EFNB2: variants seen among roughly 807,000 people sequenced by gnomAD.
EFNB2 encodes ephrin-B2.
In EFNB2, 5 loss-of-function variants were observed where a neutral mutation model predicts 32.1. The observed-to-expected ratio is 0.16, with a 90% CI of 0.08 to 0.33. EFNB2 has a LOEUF of 0.33. Ranked by LOEUF, EFNB2 falls within the 10% of genes least tolerant of loss-of-function variation. EFNB2 has a pLI of 1.00. For synonymous variants in EFNB2, 168 were observed against 166.5 expected (o/e 1.01, Z -0.07); for missense variants, 263 against 422.6 (o/e 0.62, Z 3.31).
At chr13:106,512,888 C>A in intron 1 of EFNB2, 76 bp from the exon 2 acceptor site, 1 of 1,291,962 alleles carries the variant, frequency 7.7e-7, no homozygotes, top group East Asian at 2.3e-5. Flanking sequence ...GATAGCCAGG[C>A]AATGCCCATA....
chr13:106,526,467 G>GA (rs1879703613), intron 1 of EFNB2, among the ~76,000 whole-genome samples: 1 of 152,094 alleles, frequency 6.6e-6, no homozygotes. Flanking sequence ...GGATTATGAA[G>GA]AAAAGACTTA....
At position 106,512,877 on chromosome 13, in the gene EFNB2, A is replaced by T. The variant is rs75113970; in HGVS notation, c.123-65T>A. The T allele has an allele frequency of 0.013, 18,578 of 1,392,834 alleles. 1,901 individuals are homozygous for T. The African/African-American group carries it at 0.23, about 17-fold the overall frequency. 86.3% of individuals were successfully genotyped at this position (1,392,834 alleles called of 1,614,324 possible). On this transcript the variant is annotated intron_variant, in intron 1 of 4. Transcript: ENST00000646441. ...ATTAACAGTATTAATGACAGTTACAAGATAGCCAGGCAATGCCCATAATCC... is the reference window on the plus strand; with the variant it reads ...ATTAACAGTATTAATGACAGTTACATGATAGCCAGGCAATGCCCATAATCC...
Position 106,489,920 on chromosome 13 carries a change from T to A in EFNB2, c.*3120A>T, listed in dbSNP as rs1329313981. 6.6e-6 allele frequency: 1 copy of A among 152,622 alleles called. No individual in the cohort carries two copies. The highest frequency in any genetic ancestry group is 2.4e-5 in the African/African-American group (1 of 41,454). 9.5% of individuals were successfully genotyped at this position (152,622 alleles called of 1,614,324 possible). On this transcript the variant is annotated 3_prime_UTR_variant, in exon 5 of 5. Coordinates refer to ENST00000646441, the MANE Select transcript of EFNB2 (RefSeq NM_004093.4). ...AAACAAAGAAAGAAAAAAATATTTA[T>A]AACTCAGGCATAATACTGTGTTACT...
At chr13:106,514,199 A>C (rs1231954151) in intron 1 of EFNB2, among the ~76,000 whole-genome samples, 2 of 152,236 alleles carry the variant, frequency 1.3e-5, no homozygotes, top group South Asian at 4.1e-4. Context: ...TAGCAAGGAT[A>C]TATGACATTC....
At chr13:106,496,878 G>A (rs1381103066) in intron 2 of EFNB2, among the ~76,000 whole-genome samples, 1 of 152,132 alleles carries the variant, frequency 6.6e-6, no homozygotes, top group East Asian at 1.9e-4. Flanking sequence ...GGTGGAGAGT[G>A]CTAGACATTT....
At chr13:106,530,637 C>T (rs6650299) in intron 1 of EFNB2, among the ~76,000 whole-genome samples, 1 of 152,156 alleles carries the variant, frequency 6.6e-6, no homozygotes, top group Non-Finnish European at 1.5e-5. Flanking sequence ...TTATTAGGGT[C>T]TACAATCTGT....
intron 2 of EFNB2, among the ~76,000 whole-genome samples, chr13:106,510,426 C>T (rs545341901): frequency 2.6e-5 from 4 of 152,286 alleles, no homozygotes; most frequent in African/African-American, 4.8e-5. Flanking sequence ...GCGCCCAGTG[C>T]GAACTTAGAA....
chr13:106,528,918 C>T (rs1879787811), intron 1 of EFNB2, among the ~76,000 whole-genome samples: 1 of 152,174 alleles, frequency 6.6e-6, no homozygotes, highest in Non-Finnish European at 1.5e-5. Context: ...TAACAGCCTG[C>T]CCCATTCAAC....
intron 1 of EFNB2, among the ~76,000 whole-genome samples, chr13:106,515,939 A>G (rs1312350279): frequency 6.6e-6 from 1 of 152,234 alleles, no homozygotes; most frequent in East Asian, 1.9e-4. Flanking sequence ...ACCACTGATC[A>G]TTAGGAATTT....
At chr13:106,521,761 T>TTC (rs1751273124) in intron 1 of EFNB2, 1 of 115,496 alleles carries the variant, frequency 8.7e-6, no homozygotes, top group African/African-American at 5.7e-5. Context: ...TAGTTTAAGC[T>TTC]TTTTTTTTTT....
chr13:106,505,249 A>G (rs922244872), intron 2 of EFNB2, among the ~76,000 whole-genome samples: 2 of 152,200 alleles, frequency 1.3e-5, no homozygotes, highest in African/African-American at 2.4e-5. Flanking sequence ...CATATGTGTT[A>G]TGTATGCATA....
At chr13:106,497,007 G>A (rs1223697687) in intron 2 of EFNB2, among the ~76,000 whole-genome samples, 2 of 151,866 alleles carry the variant, frequency 1.3e-5, no homozygotes, top group African/African-American at 4.8e-5. Flanking sequence ...ACTTTGCAAG[G>A]GACTGAAAAA....
At chr13:106,527,545 C>A (rs979830395) in intron 1 of EFNB2, among the ~76,000 whole-genome samples, 47 of 152,288 alleles carry the variant, frequency 3.1e-4, no homozygotes, top group African/African-American at 1.1e-3. Context: ...TATTTGAAAT[C>A]AGCAAGTATG....
In EFNB2 at chr13:106,535,114, C is replaced by A; in HGVS notation, c.-150G>T. ...AGGCGCGCTGCGCAGCTCCAGCGGT[C>A]GCCGGGCCAGGTGCGCTCGCTCTCC... On this transcript the variant is annotated 5_prime_UTR_variant, in exon 1 of 5. Coordinates refer to ENST00000646441, the MANE Select transcript of EFNB2 (RefSeq NM_004093.4). 9.4e-7 allele frequency: 1 copy of A among 1,062,398 alleles called. No individual in the cohort carries two copies. Among genetic ancestry groups the A allele is most frequent in the South Asian group, 2.0e-5 (1 of 49,480 alleles). The allele number at this position is 1,062,398 out of a possible 1,614,324, so 65.8% of individuals were successfully genotyped here. A position where few individuals can be genotyped will look rare whatever the true frequency, so the allele number is the denominator to read the frequency against.
intron 1 of EFNB2, chr13:106,521,767 T>C (rs1010736713): frequency 9.9e-5 from 15 of 152,048 alleles, no homozygotes; most frequent in Non-Finnish European, 2.1e-4. Flanking sequence ...AAGCTTTTTT[T>C]TTTTTTCTTC....
chr13:106,512,578 A>T lies in EFNB2; in HGVS notation c.357T>A (p.Pro119=). Residue 119 remains proline, a synonymous_variant, in exon 2 of 5, where the codon CCT becomes CCA. Coordinates refer to ENST00000646441, the MANE Select transcript of EFNB2 (RefSeq NM_004093.4). ...TCTGAAATTCTAGACCCCAGAGGTTAGGGCTGAATTCTTGAAACTTGATGG... is the reference window on the plus strand; with the variant it reads ...TCTGAAATTCTAGACCCCAGAGGTTTGGGCTGAATTCTTGAAACTTGATGG... The part of the protein sequence containing the change: ...KFTIKFQEFS[P]NLWGLEFQKN... 2.5e-6 allele frequency: 4 copies of T among 1,613,482 alleles called. No individual in the cohort carries two copies. Among genetic ancestry groups the T allele is most frequent in the Non-Finnish European group, 2.5e-6 (3 of 1,179,522 alleles).
At chr13:106,505,343 G>T (rs189951009) in intron 2 of EFNB2, among the ~76,000 whole-genome samples, 76 of 152,318 alleles carry the variant, frequency 5.0e-4, no homozygotes, top group Admixed American at 5.0e-3. Flanking sequence ...GCCGGCCTAA[G>T]GGTCCAGCGG....
At chr13:106,500,591 A>G (rs1357164236) in intron 2 of EFNB2, among the ~76,000 whole-genome samples, 6 of 152,230 alleles carry the variant, frequency 3.9e-5, no homozygotes, top group African/African-American at 4.8e-5. Context: ...TGAAAACCAC[A>G]GAGTCGTCAG....
At chr13:106,519,525 A>G (rs1053108651) in intron 1 of EFNB2, 1 of 152,210 alleles carries the variant, frequency 6.6e-6, no homozygotes, top group Non-Finnish European at 1.5e-5. Context: ...ACTCTCCACA[A>G]AGAATTATTT....
Sources: allele counts gnomAD v4.1 joint callset (sites outside exome capture counted in the v4.1 genomes callset), GRCh38; gene constraint gnomAD v4.1.1; transcripts MANE v1.5; gene names NCBI Gene and HGNC (gene_info 2026-07-23, HGNC 2026-07-21).